LRRC49: variants seen among roughly 807,000 people sequenced by gnomAD.
LRRC49 encodes leucine rich repeat containing 49, also known as leucine-rich repeat-containing protein 49.
A neutral mutation model predicts 83.3 loss-of-function variants in LRRC49; 50 were observed. That is an observed-to-expected ratio of 0.60 (90% CI 0.48 to 0.76). The LOEUF is 0.76. Ranked by LOEUF, LRRC49 falls within the 30% of genes least tolerant of loss-of-function variation. The probability of loss-of-function intolerance (pLI) is 0.00; values close to 1 mark genes in which losing one functional copy is unlikely to be tolerated. For missense variants in LRRC49, 704 were observed against 809.1 expected, an observed-to-expected ratio of 0.87 and a Z score of 1.58; for synonymous variants, 286 against 283.3, an observed-to-expected ratio of 1.01 and a Z score of -0.10.
intron 8 of LRRC49, among the ~76,000 whole-genome samples, chr15:70,942,992 T>C (rs909769670): frequency 3.9e-5 from 6 of 152,192 alleles, no homozygotes; most frequent in Non-Finnish European, 8.8e-5. Context: ...TTAGTACTGT[T>C]ACAGTGACTT....
In LRRC49 at chr15:71,037,186, C is replaced by A. The variant is rs1289895823; in HGVS notation, c.1711C>A (p.Gln571Lys). Residue 571 changes from glutamine to lysine, a missense_variant, in exon 15 of 16, where the codon CAA becomes AAA. This residue lies in a region of LRRC49 where 275 missense variants were observed against 338.0 expected (regional missense o/e 0.81). Transcript: ENST00000260382. ...TTTACTGTCTTTCTACAGGAAAAAG[C>A]AATTTCGGTATCTACTAGAATCCAA... ...ISILGDARKKQFRYLLESKGK... is the reference protein window; with the variant it reads ...ISILGDARKKKFRYLLESKGK... 1 of 1,603,146 alleles carries A rather than the reference C, an allele frequency of 6.2e-7. No individual in the cohort carries two copies. Among genetic ancestry groups the A allele is most frequent in the Non-Finnish European group, 8.5e-7 (1 of 1,175,150 alleles).
At chr15:70,941,433 G>A (rs560481883) in intron 8 of LRRC49, among the ~76,000 whole-genome samples, 3 of 151,110 alleles carry the variant, frequency 2.0e-5, no homozygotes, top group South Asian at 2.1e-4. Context: ...TTCTGAGGAC[G>A]ATTTTCCACA....
chr15:70,937,693 A>G (rs1191119846), intron 8 of LRRC49, among the ~76,000 whole-genome samples: 1 of 152,138 alleles, frequency 6.6e-6, no homozygotes, highest in Non-Finnish European at 1.5e-5. Context: ...CTGCCATCAG[A>G]CTTGTTTTAA....
chr15:71,045,088 G>A (rs1192921543), intron 15 of LRRC49, among the ~76,000 whole-genome samples: 1 of 151,616 alleles, frequency 6.6e-6, no homozygotes, highest in Non-Finnish European at 1.5e-5. Context: ...TAGAGACGGG[G>A]CTTCACCATG....
At chr15:70,962,821 G>A (rs558010898) in intron 8 of LRRC49, among the ~76,000 whole-genome samples, 25 of 152,202 alleles carry the variant, frequency 1.6e-4, no homozygotes, top group African/African-American at 4.8e-4. Context: ...CTGAGTGTGG[G>A]CTGTACATGG....
chr15:70,896,390 A>T (rs1595991660), intron 3 of LRRC49, among the ~76,000 whole-genome samples: 1 of 152,156 alleles, frequency 6.6e-6, no homozygotes, highest in East Asian at 1.9e-4. Flanking sequence ...GGATCTTGGG[A>T]TCTTGTTAAA....
intron 5 of LRRC49, among the ~76,000 whole-genome samples, chr15:70,906,289 G>A (rs1181416947): frequency 6.6e-6 from 1 of 151,732 alleles, no homozygotes; most frequent in Admixed American, 6.6e-5. Context: ...TAGAGATGGG[G>A]TTTCACCATG....
At chr15:70,953,214 C>T (rs1294035213) in intron 8 of LRRC49, among the ~76,000 whole-genome samples, 1 of 152,132 alleles carries the variant, frequency 6.6e-6, no homozygotes, top group Non-Finnish European at 1.5e-5. Context: ...CATATAGTTG[C>T]TTTATAATAT....
At chr15:70,906,598 A>G (rs1596004342) in intron 5 of LRRC49, among the ~76,000 whole-genome samples, 2 of 151,756 alleles carry the variant, frequency 1.3e-5, no homozygotes, top group South Asian at 2.1e-4. Flanking sequence ...CATCTATTCT[A>G]TTTTCCTATT....
At chr15:71,034,663 T>G (rs892780058) in intron 14 of LRRC49, among the ~76,000 whole-genome samples, 1 of 152,096 alleles carries the variant, frequency 6.6e-6, no homozygotes, top group Non-Finnish European at 1.5e-5. Flanking sequence ...ATAAAGAAAT[T>G]GTGGTATGGA....
chr15:71,043,413 GA>G (rs1428206843), intron 15 of LRRC49, among the ~76,000 whole-genome samples: 1 of 152,146 alleles, frequency 6.6e-6, no homozygotes, highest in African/African-American at 2.4e-5. Flanking sequence ...CTTGCTTTAT[GA>G]ATCCCACAGG....
Position 71,009,994 on chromosome 15 carries a change from TAAGCTAAAA to T in LRRC49, c.1593+4_1593+12del. On this transcript the variant is annotated splice_donor_5th_base_variant and intron_variant, in intron 13 of 15. Coordinates refer to ENST00000260382, the MANE Select transcript of LRRC49 (RefSeq NM_017691.5). Reference sequence around the variant, plus strand: ...ATGCAGAAAATAAATGGAACAGAGGTAAGCTAAAAACTAGATGAACTATAGAATAAAAAT... The same window carrying T: ...ATGCAGAAAATAAATGGAACAGAGGTACTAGATGAACTATAGAATAAAAAT... The T allele has an allele frequency of 6.4e-7, 1 of 1,553,310 alleles. No individual in the cohort carries two copies. The highest frequency in any genetic ancestry group is 8.7e-7 in the Non-Finnish European group (1 of 1,144,704).
chr15:70,896,837 C>A (rs2033860506), intron 3 of LRRC49, among the ~76,000 whole-genome samples: 1 of 152,100 alleles, frequency 6.6e-6, no homozygotes, highest in South Asian at 2.1e-4. Context: ...ACTTCTTGGA[C>A]CCATCTAATC....
rs535878163 is a variant in LRRC49, at chr15:70,904,666, A to G, written c.411A>G (p.Ile137Met). Residue 137 changes from isoleucine to methionine, a missense_variant, in exon 5 of 16, where the codon ATA becomes ATG. Physicochemically the swap from Ile to Met is conservative, Grantham distance 10 (BLOSUM62 1). Coordinates refer to ENST00000260382, the MANE Select transcript of LRRC49 (RefSeq NM_017691.5). ...ATATTTCTAATCTACAGAAGTTAAT[A>G]TCGTTGGATTTATATGATAACCAGA... ...IQNISNLQKL[I>M]SLDLYDNQIE... 1 of 1,613,098 alleles carries G rather than the reference A, an allele frequency of 6.2e-7. No homozygotes were observed. Among genetic ancestry groups the G allele is most frequent in the African/African-American group, 1.3e-5 (1 of 75,034 alleles).
intron 11 of LRRC49, among the ~76,000 whole-genome samples, chr15:70,985,812 T>C (rs1426103088): frequency 1.4e-5 from 2 of 148,058 alleles, no homozygotes; most frequent in African/African-American, 2.5e-5. Flanking sequence ...TTGTATAAGG[T>C]GTAAGGAAGG....
intron 8 of LRRC49, among the ~76,000 whole-genome samples, chr15:70,942,243 G>A (rs2035848108): frequency 6.6e-6 from 1 of 152,052 alleles, no homozygotes; most frequent in South Asian, 2.1e-4. Context: ...AAACACTGAT[G>A]TACCAAAGGT....
chr15:70,858,552 C>T (rs762341778), intron 1 of LRRC49, among the ~76,000 whole-genome samples: 2 of 152,126 alleles, frequency 1.3e-5, no homozygotes, highest in Admixed American at 6.5e-5. Flanking sequence ...TGCAGTGAGC[C>T]GAGATTGTGC....
In LRRC49 at chr15:70,957,675, G is replaced by GA. The variant is rs202090499; in HGVS notation, c.774-6101dup. ...TTCTATTGAGTTAGGTTGAGTATTG[G>GA]AAAAAAAAATGCTCTTCAACATCTA... On this transcript the variant is annotated intron_variant, in intron 8 of 15. Coordinates refer to ENST00000260382, the MANE Select transcript of LRRC49 (RefSeq NM_017691.5). Among the ~76,000 whole-genome samples, 969 of 150,130 alleles carry GA rather than the reference G, an allele frequency of 6.5e-3. 13 individuals carry two copies. Among genetic ancestry groups the GA allele is most frequent in the African/African-American group, 0.021 (849 of 41,028 alleles).
chr15:70,938,434 A>G (rs1029641398), intron 8 of LRRC49, among the ~76,000 whole-genome samples: 5 of 152,140 alleles, frequency 3.3e-5, no homozygotes, highest in African/African-American at 7.2e-5. Flanking sequence ...GTGTTTTTAT[A>G]TGGCTTTCAC....
Sources: gnomAD v4.1 joint callset for allele counts (sites outside exome capture counted in the v4.1 genomes callset) on GRCh38, gnomAD v4.1.1 for gene constraint, gnomAD v4.1.1 regional missense constraint, MANE v1.5 for transcripts, NCBI Gene and HGNC (gene_info 2026-07-23, HGNC 2026-07-21) for gene names.